Variants in SLC7A14 observed in about 807,000 individuals in gnomAD.
SLC7A14 encodes the protein solute carrier family 7 member 14.
A neutral mutation model predicts 60.2 loss-of-function variants in SLC7A14; 37 were observed. That is an observed-to-expected ratio of 0.61 (90% CI 0.47 to 0.81). SLC7A14 has a LOEUF of 0.81. SLC7A14 is among the 30% of genes least tolerant of loss of function. SLC7A14 has a pLI of 0.00. For synonymous variants in SLC7A14, 399 were observed against 395.8 expected (o/e 1.01, Z -0.10); for missense variants, 886 against 982.7 (o/e 0.90, Z 1.32).
chr3:170,526,598 C>A, intron 2 of SLC7A14, 35 bp downstream of exon 2: 1 of 1,600,318 alleles, frequency 6.2e-7, no homozygotes, highest in Non-Finnish European at 8.5e-7. Context: ...GGTAAGCACA[C>A]TTTCCACAGT....
chr3:170,540,389 C>G (rs1713986503), intron 1 of SLC7A14, among the ~76,000 whole-genome samples: 1 of 151,722 alleles, frequency 6.6e-6, no homozygotes, highest in Non-Finnish European at 1.5e-5. Context: ...CCAATCAGAG[C>G]AGTGAAAATC....
At chr3:170,482,650 A>C (rs945882918) in intron 6 of SLC7A14, among the ~76,000 whole-genome samples, 1 of 152,234 alleles carries the variant, frequency 6.6e-6, no homozygotes, top group Non-Finnish European at 1.5e-5. Context: ...GGTGTGGTTA[A>C]AAGTCTGATT....
Position 170,467,041 on chromosome 3 carries a change from C to G in SLC7A14, c.*14G>C. Reference sequence around the variant, plus strand: ...AATCAGTCATCACCATTTCTACCCACTTGTGTGTTTCTCCTACTCTGGAGA... The same window carrying G: ...AATCAGTCATCACCATTTCTACCCAGTTGTGTGTTTCTCCTACTCTGGAGA... On this transcript the variant is annotated 3_prime_UTR_variant, in exon 8 of 8. Transcript: ENST00000231706. 1 of 1,577,158 alleles carries G rather than the reference C, an allele frequency of 6.3e-7. No individual in the cohort carries two copies. The highest frequency in any genetic ancestry group is 8.6e-7 in the Non-Finnish European group (1 of 1,159,212).
At chr3:170,508,927 T>G (rs1712874145) in intron 2 of SLC7A14, among the ~76,000 whole-genome samples, 1 of 152,228 alleles carries the variant, frequency 6.6e-6, no homozygotes, top group Admixed American at 6.5e-5. Context: ...GTCCCCATTA[T>G]TGCTGTCTTG....
At chr3:170,571,095 A>C (rs922274771) in intron 1 of SLC7A14, among the ~76,000 whole-genome samples, 1 of 152,212 alleles carries the variant, frequency 6.6e-6, no homozygotes, top group Non-Finnish European at 1.5e-5. Context: ...CTTAAACTAA[A>C]CAAAATGGCC....
In SLC7A14 at chr3:170,526,776, G is replaced by A. The variant is rs1347386862; in HGVS notation, c.161C>T (p.Thr54Ile). ...AHGTKLAQVLTTVDLISLGVG... is the reference protein window; with the variant it reads ...AHGTKLAQVLITVDLISLGVG... ...GCCAAGAGAGATGAGGTCCACTGTG[G>A]TGAGTACCTGGGCTAGCTTAGTTCC... The change falls in exon 2 of 8, where the codon ACC (threonine) becomes ATC (isoleucine). Residue 54 changes from threonine (T) to isoleucine (I), a missense_variant. By Grantham distance (89) the Thr-to-Ile change is moderately conservative (BLOSUM62 -1). Transcript: ENST00000231706. 3.1e-6 allele frequency: 5 copies of A among 1,614,254 alleles called. No individual in the cohort carries two copies. In the African/African-American group the frequency reaches 6.7e-5, roughly 22 times the overall value.
intron 1 of SLC7A14, among the ~76,000 whole-genome samples, chr3:170,539,981 G>A (rs1160064430): frequency 6.6e-6 from 1 of 152,142 alleles, no homozygotes; most frequent in Non-Finnish European, 1.5e-5. Flanking sequence ...AAATAAGGAT[G>A]ACTTGAATAC....
chr3:170,498,628 G>C (rs1228690256), intron 4 of SLC7A14, 39 bp downstream of exon 4: 2 of 1,592,350 alleles, frequency 1.3e-6, no homozygotes, highest in Non-Finnish European at 1.7e-6. Flanking sequence ...AGAAGGCAGA[G>C]TGTGTGACAG....
intron 4 of SLC7A14, among the ~76,000 whole-genome samples, chr3:170,489,795 G>GTTCCATCTTCA (rs2108273980): frequency 6.6e-6 from 1 of 152,308 alleles, no homozygotes; most frequent in Non-Finnish European, 1.5e-5. Context: ...CCAACAACAT[G>GTTCCATCTTCA]GATGGAACTG....
intron 5 of SLC7A14, 99 bp downstream of exon 5, chr3:170,486,123 C>A: frequency 6.9e-7 from 1 of 1,458,972 alleles, no homozygotes; most frequent in South Asian, 1.3e-5. Context: ...AAAAGACAGA[C>A]ACCAAGAAGA....
chr3:170,491,922 C>A (rs62293538), intron 4 of SLC7A14, among the ~76,000 whole-genome samples: 70 of 152,188 alleles, frequency 4.6e-4, no homozygotes, highest in Non-Finnish European at 9.0e-4. Context: ...CTTGGCCTAA[C>A]AAGACATAGA....
At chr3:170,521,939 TG>T (rs1713352693) in intron 2 of SLC7A14, among the ~76,000 whole-genome samples, 1 of 147,228 alleles carries the variant, frequency 6.8e-6, no homozygotes, top group South Asian at 2.1e-4. Flanking sequence ...AAGAAAAAGG[TG>T]GGGGGTGGGC....
intron 3 of SLC7A14, among the ~76,000 whole-genome samples, chr3:170,500,598 A>G (rs755753706): frequency 2.6e-5 from 4 of 152,060 alleles, no homozygotes; most frequent in Non-Finnish European, 5.9e-5. Context: ...TTATTCATTA[A>G]ATTTTTTTTC....
intron 1 of SLC7A14, among the ~76,000 whole-genome samples, chr3:170,533,833 G>A (rs1434093419): frequency 6.6e-6 from 1 of 152,146 alleles, no homozygotes; most frequent in African/African-American, 2.4e-5. Flanking sequence ...TTGTATCTTT[G>A]CTGAGTGTTT....
intron 7 of SLC7A14, among the ~76,000 whole-genome samples, chr3:170,472,657 C>T (rs1739949624): frequency 1.3e-5 from 2 of 151,816 alleles, no homozygotes; most frequent in African/African-American, 4.8e-5. Flanking sequence ...GTCCCAGCTA[C>T]TCCGGAGGCT....
chr3:170,529,788 C>G lies in SLC7A14; in HGVS notation c.-152-2700G>C, dbSNP rs150603733. ...TACCAAAGTAGAATGGGCCCTTAGT[C>G]CATATGACTGATGTCCTTATAAAAA... On this transcript the variant is annotated intron_variant, in intron 1 of 7. Transcript: ENST00000231706. Among the ~76,000 whole-genome samples the G allele has an allele frequency of 8.5e-5, 13 of 152,204 alleles. No individual in the cohort carries two copies. In the East Asian group the frequency reaches 2.5e-3, roughly 29 times the overall value.
chr3:170,568,651 G>A lies in SLC7A14; in HGVS notation c.-153+17260C>T, dbSNP rs1321502479. On this transcript the variant is annotated intron_variant, in intron 1 of 7. Transcript: ENST00000231706. ...TTCTTTCTACCCATGAGCATGGAAT[G>A]TTCTTCCATTTGTTTGTATCCTCTT... Among the ~76,000 whole-genome samples the A allele has an allele frequency of 3.3e-5, 5 of 152,204 alleles. No homozygotes were observed. In the East Asian group the frequency reaches 9.6e-4, roughly 29 times the overall value.
At chr3:170,505,887 CA>C (rs199647740) in intron 2 of SLC7A14, among the ~76,000 whole-genome samples, 2,438 of 131,752 alleles carry the variant, frequency 0.019, 41 homozygotes, top group Non-Finnish European at 0.021. Flanking sequence ...GACTCTGTTT[CA>C]AAAAAAAAAA....
chr3:170,476,491 G>C (rs1380007955), intron 7 of SLC7A14, among the ~76,000 whole-genome samples: 1 of 152,174 alleles, frequency 6.6e-6, no homozygotes, highest in African/African-American at 2.4e-5. Context: ...GCAGTTTCTG[G>C]AGGGAGTTTG....
Sources: gnomAD v4.1 joint callset for allele counts (sites outside exome capture counted in the v4.1 genomes callset) on GRCh38, gnomAD v4.1.1 for gene constraint, MANE v1.5 for transcripts, NCBI Gene and HGNC (gene_info 2026-07-23, HGNC 2026-07-21) for gene names.